The following USP49 variants were observed in gnomAD, a reference collection of about 807,000 sequenced individuals.
USP49 encodes the protein ubiquitin carboxyl-terminal hydrolase 49.
USP49 carries 24 observed loss-of-function variants against 58.6 expected under a neutral mutation model. The ratio of observed to expected loss-of-function variants is 0.41; its 90% CI spans 0.30 to 0.58. USP49 has a LOEUF of 0.58. USP49 is among the 20% of genes least tolerant of loss of function. The probability of loss-of-function intolerance (pLI) is 0.30; values close to 1 mark genes in which losing one functional copy is unlikely to be tolerated. For missense variants in USP49, 703 were observed against 866.1 expected (o/e 0.81, Z 2.36); for synonymous variants, 408 against 365.1 (o/e 1.12, Z -1.34).
chr6:41,894,640 T>G (rs749118338), intron 1 of USP49, among the ~76,000 whole-genome samples: 10 of 151,914 alleles, frequency 6.6e-5, no homozygotes, highest in Non-Finnish European at 1.5e-4. Flanking sequence ...TGCCCCTCCT[T>G]GTCTTCCACT....
At chr6:41,839,127 C>CTTT (rs1773776408) in intron 3 of USP49, among the ~76,000 whole-genome samples, 1 of 151,924 alleles carries the variant, frequency 6.6e-6, no homozygotes, top group African/African-American at 2.4e-5. Context: ...CTGAAAGAGT[C>CTTT]CTGGTGTGGT....
In USP49 at chr6:41,803,102, T is replaced by C. The variant is rs1262829145; in HGVS notation, c.1561+704A>G. On this transcript the variant is annotated intron_variant, in intron 5 of 7. Coordinates refer to ENST00000682992, the MANE Select transcript of USP49 (RefSeq NM_001286554.2). This position sits in a 1 kb window ranked among gnomAD's most constrained non-coding sequence, Gnocchi z 4.1. ...GATATCGCACCCTTCAGAAAGGCTA[T>C]ACCATCTGGGTTTAGATTAAGTAAG... Among the ~76,000 whole-genome samples the C allele has an allele frequency of 6.6e-6, 1 of 152,194 alleles. No individual in the cohort carries two copies. Among genetic ancestry groups the C allele is most frequent in the East Asian group, 1.9e-4 (1 of 5,204 alleles).
At chr6:41,869,412 G>GA (rs113236566) in intron 3 of USP49, among the ~76,000 whole-genome samples, 4,784 of 149,970 alleles carry the variant, frequency 0.032, 125 homozygotes, top group African/African-American at 0.065. Context: ...GTGCAAAAAG[G>GA]AAAAAAAAAT....
rs572755193 is a variant in USP49 at position 41,868,063 on chromosome 6, G to A, written c.-29+3501C>T. The stretch of plus-strand genomic sequence containing the variant: ...CACTACCCTAGTAAACCTTTTAAGA[G>A]TTATTAACTAGGCCAGCACTCCCCT... On this transcript the variant is annotated intron_variant, in intron 3 of 7. Coordinates refer to ENST00000682992, the MANE Select transcript of USP49 (RefSeq NM_001286554.2). Among the ~76,000 whole-genome samples the A allele has an allele frequency of 2.0e-5, 3 of 152,238 alleles. No homozygotes were observed. The East Asian group carries it at 5.8e-4, about 29-fold the overall frequency.
rs568474215 is a variant in USP49, at chr6:41,806,399, C to T, written c.585G>A (p.Arg195=). Reference sequence around the variant, plus strand: ...GGGTGCTGGCCAGCTCCTCCAGCAGCCGCCGTTTCACCTCGCGCCGCCGCC... The same window carrying T: ...GGGTGCTGGCCAGCTCCTCCAGCAGTCGCCGTTTCACCTCGCGCCGCCGCC... ...ARRRRREVKR[R]LLEELASTPP... The change falls in exon 4 of 8, where the codon CGG becomes CGA. Residue 195 remains arginine, a synonymous_variant. Transcript: ENST00000682992. The surrounding 1 kb of genome is among the most constrained non-coding windows in gnomAD (Gnocchi z 5.9). 1.3e-6 allele frequency: 2 copies of T among 1,558,562 alleles called. No individual in the cohort carries two copies. Among genetic ancestry groups the T allele is most frequent in the Middle Eastern group, 1.9e-4 (1 of 5,132 alleles).
chr6:41,857,633 A>G (rs1774153564), intron 3 of USP49, among the ~76,000 whole-genome samples: 1 of 152,206 alleles, frequency 6.6e-6, no homozygotes, highest in African/African-American at 2.4e-5. Flanking sequence ...CCAGTCTCAA[A>G]AAAATAAAGT....
At chr6:41,836,717 C>T (rs1773733607) in intron 3 of USP49, among the ~76,000 whole-genome samples, 1 of 152,020 alleles carries the variant, frequency 6.6e-6, no homozygotes, top group Non-Finnish European at 1.5e-5. Flanking sequence ...CCAAAAGATC[C>T]TAGATCTTAT....
chr6:41,815,733 T>C (rs996796228), intron 3 of USP49, among the ~76,000 whole-genome samples: 5 of 152,204 alleles, frequency 3.3e-5, no homozygotes, highest in African/African-American at 1.2e-4. Context: ...TGTCCACTTA[T>C]GCAGCAGCTC....
chr6:41,814,896 A>C (rs1284855516), intron 3 of USP49, among the ~76,000 whole-genome samples: 1 of 152,198 alleles, frequency 6.6e-6, no homozygotes, highest in African/African-American at 2.4e-5. Flanking sequence ...CATATGCGAC[A>C]GTGCTGGGTA....
In USP49 at chr6:41,806,884, A is replaced by C. The variant is rs1677920372; in HGVS notation, c.100T>G (p.Ser34Ala). The change falls in exon 4 of 8, where the codon TCC (serine) becomes GCC (alanine). Residue 34 changes from serine (S) to alanine (A), a missense_variant. Around this residue, in one of 6 missense-constraint regions of USP49, gnomAD observed 376 missense variants for 373.5 expected, o/e 1.01. Transcript: ENST00000682992. This position sits in a 1 kb window ranked among gnomAD's most constrained non-coding sequence, Gnocchi z 5.9. The stretch of plus-strand genomic sequence containing the variant: ...GAGCACTTGAGGCAGGCCCACACGG[A>C]CTCGGTGGTGGCACACTCTAAGCAG... ...WCCLECATTESVWACLKCSHV... is the reference protein window; with the variant it reads ...WCCLECATTEAVWACLKCSHV... The C allele has an allele frequency of 1.9e-6, 3 of 1,613,530 alleles. No homozygotes were observed. Among genetic ancestry groups the C allele is most frequent in the Non-Finnish European group, 2.5e-6 (3 of 1,179,908 alleles).
intron 3 of USP49, among the ~76,000 whole-genome samples, chr6:41,808,735 C>A (rs1581995134): frequency 6.6e-6 from 1 of 151,480 alleles, no homozygotes. Flanking sequence ...TAAAAGAAAA[C>A]TTTTATATCT....
At chr6:41,800,045 T>A in intron 5 of USP49, 107 bp from the exon 6 acceptor site, 1 of 999,596 alleles carries the variant, frequency 1.0e-6, no homozygotes, top group Admixed American at 2.0e-5. Context: ...TTTCTCAGTA[T>A]CTGAACCTCA....
intron 2 of USP49, among the ~76,000 whole-genome samples, chr6:41,884,861 AAAAT>A (rs1168524686): frequency 2.0e-5 from 3 of 152,210 alleles, no homozygotes; most frequent in Non-Finnish European, 4.4e-5. Context: ...AACCATCCTT[AAAAT>A]AAATGTTTTA....
At chr6:41,833,853 T>C (rs1385980975) in intron 3 of USP49, among the ~76,000 whole-genome samples, 1 of 152,236 alleles carries the variant, frequency 6.6e-6, no homozygotes, top group Non-Finnish European at 1.5e-5. Context: ...CTATTCAGCA[T>C]GTGATTTCAA....
At chr6:41,845,147 C>T (rs1350734081) in intron 3 of USP49, among the ~76,000 whole-genome samples, 2 of 152,042 alleles carry the variant, frequency 1.3e-5, no homozygotes, top group South Asian at 2.1e-4. Flanking sequence ...ATGATCCACC[C>T]GCCTCAGCCT....
In USP49 at chr6:41,806,501, C is replaced by G; in HGVS notation, c.483G>C (p.Lys161Asn). The G allele has an allele frequency of 1.9e-6, 3 of 1,598,618 alleles. No homozygotes were observed. Among genetic ancestry groups the G allele is most frequent in the Non-Finnish European group, 2.5e-6 (3 of 1,179,350 alleles). The change falls in exon 4 of 8, where the codon AAG becomes AAC. Residue 161 changes from lysine to asparagine, a missense_variant. Lys to Asn is a moderately conservative substitution (Grantham distance 94, BLOSUM62 0). Transcript: ENST00000682992. This position sits in a 1 kb window ranked among gnomAD's most constrained non-coding sequence, Gnocchi z 5.9. ...CCAGCTTCGCCTGGCCCCGGGAGCT[C>G]TTCTCGAACCACAGCCGCAGCGTCC... ...LARTLRLWFE[K>N]SSRGQAKLEQ... is the part of the protein sequence containing the mutation.
At chr6:41,804,514 A>G (rs1174004358) in intron 4 of USP49, among the ~76,000 whole-genome samples, 1 of 152,178 alleles carries the variant, frequency 6.6e-6, no homozygotes, top group Admixed American at 6.5e-5. Flanking sequence ...TTAGACCTCC[A>G]TTCCCACTAT....
Position 41,793,186 on chromosome 6 carries a change from T to G in USP49, c.*3347A>C, listed in dbSNP as rs1772826732. The G allele has an allele frequency of 2.0e-5, 3 of 152,478 alleles. No individual in the cohort carries two copies. The highest frequency in any genetic ancestry group is 2.0e-4 in the Admixed American group (3 of 15,282). The allele number at this position is 152,478 out of a possible 1,614,324, so 9.4% of individuals were successfully genotyped here. A position where few individuals can be genotyped will look rare whatever the true frequency, so the allele number is the denominator to read the frequency against. On this transcript the variant is annotated 3_prime_UTR_variant, in exon 8 of 8. Transcript: ENST00000682992. The stretch of plus-strand genomic sequence containing the variant: ...CTGCTATTGAGTCCATAGGACACAT[T>G]AACACTTCTACAGTTTCCAATTTTA...
At chr6:41,837,384 G>A (rs539498242) in intron 3 of USP49, among the ~76,000 whole-genome samples, 4 of 152,222 alleles carry the variant, frequency 2.6e-5, no homozygotes, top group South Asian at 2.1e-4. Context: ...AAATGGCACC[G>A]GAATAACTGG....
Sources: gnomAD v4.1 joint callset for allele counts (sites outside exome capture counted in the v4.1 genomes callset) on GRCh38, gnomAD v4.1.1 for gene constraint, gnomAD v4.1.1 regional missense constraint, Gnocchi (gnomAD v3.1) non-coding constraint, MANE v1.5 for transcripts, NCBI Gene and HGNC (gene_info 2026-07-23, HGNC 2026-07-21) for gene names.